The following RYR2 variants were observed in gnomAD, a reference collection of about 807,000 sequenced individuals.
RYR2 encodes ryanodine receptor 2, also known as cardiac muscle ryanodine receptor-calcium release channel.
A neutral mutation model predicts 601.1 loss-of-function variants in RYR2; 227 were observed. That is an observed-to-expected ratio of 0.38 (90% CI 0.34 to 0.42). The LOEUF (loss-of-function observed/expected upper bound fraction) is 0.42, where lower values mean the gene tolerates loss of function less well. RYR2 is among the 10% of genes least tolerant of loss of function. RYR2 has a pLI of 1.00. For missense variants in RYR2, 4,646 were observed against 6,156.5 expected (o/e 0.75, Z 8.21); for synonymous variants, 2,223 against 2,175.1 (o/e 1.02, Z -0.61).
chr1:237,417,585 T>C (rs373767549), intron 11 of RYR2, among the ~76,000 whole-genome samples: 3 of 152,330 alleles, frequency 2.0e-5, no homozygotes, highest in East Asian at 3.9e-4. Context: ...GAGTCATTAC[T>C]GGAAGTCACT....
chr1:237,515,708 CTCCTTCTTCTCTT>C (rs1666385004), intron 24 of RYR2, among the ~76,000 whole-genome samples: 1 of 590 alleles, frequency 1.7e-3, no homozygotes, highest in Non-Finnish European at 4.8e-3. Flanking sequence ...TCCCCTCCTT[CTCCTTCTTCTCTT>C]CCTCCTTCTT....
At chr1:237,785,832 C>T (rs996542540) in intron 90 of RYR2, 137 bp from the exon 91 acceptor site, 14 of 679,364 alleles carry the variant, frequency 2.1e-5, no homozygotes, top group South Asian at 3.3e-5. Flanking sequence ...ATGAAAAACA[C>T]GTGGCGCTTT....
At chr1:237,690,372 TACCTAATAAACCTAGAG>T (rs1686831864) in intron 63 of RYR2, among the ~76,000 whole-genome samples, 1 of 152,194 alleles carries the variant, frequency 6.6e-6, no homozygotes, top group South Asian at 2.1e-4. Flanking sequence ...TGGGCTAAAA[TACCTAATAAACCTAGAG>T]ATCAATTTTT....
At chr1:237,051,247 C>A (rs1661231130) in intron 1 of RYR2, among the ~76,000 whole-genome samples, 1 of 102,922 alleles carries the variant, frequency 9.7e-6, no homozygotes, top group African/African-American at 3.8e-5. Context: ...CCCTCCCCTT[C>A]CCCTCCCCTT....
intron 1 of RYR2, among the ~76,000 whole-genome samples, chr1:237,205,475 A>G (rs1681708301): frequency 6.6e-6 from 1 of 152,130 alleles, no homozygotes; most frequent in Non-Finnish European, 1.5e-5. Flanking sequence ...CTGCAGTGCC[A>G]TGGTGGCGTT....
At chr1:237,655,742 C>A in intron 52 of RYR2, 79 bp from the exon 53 acceptor site, 1 of 1,346,764 alleles carries the variant, frequency 7.4e-7, no homozygotes. Flanking sequence ...TCTTCTGCAA[C>A]CTTCTGTCAG....
At chr1:237,539,394 C>A (rs1389451590) in intron 25 of RYR2, among the ~76,000 whole-genome samples, 1 of 152,196 alleles carries the variant, frequency 6.6e-6, no homozygotes, top group East Asian at 1.9e-4. Context: ...AGTATCATAG[C>A]AGAATAACCT....
intron 5 of RYR2, among the ~76,000 whole-genome samples, chr1:237,368,510 T>C (rs1019867928): frequency 3.3e-5 from 5 of 152,156 alleles, no homozygotes; most frequent in African/African-American, 9.7e-5. Flanking sequence ...AATGTCTCTC[T>C]GTGCTTCTCA....
chr1:237,363,591 T>C (rs1699962086), intron 4 of RYR2, among the ~76,000 whole-genome samples: 1 of 152,242 alleles, frequency 6.6e-6, no homozygotes, highest in East Asian at 1.9e-4. Flanking sequence ...TTTGGAAATA[T>C]ATCATTGTTT....
chr1:237,405,890 T>C (rs1001090723), intron 10 of RYR2, among the ~76,000 whole-genome samples: 16 of 89,306 alleles, frequency 1.8e-4, no homozygotes, highest in Non-Finnish European at 4.0e-4. Context: ...TTCAGAAAAG[T>C]AGGTGAAAAA....
At position 237,801,038 on chromosome 1, in the gene RYR2, T is replaced by G. The variant is rs552742766; in HGVS notation, c.14091-818T>G. On this transcript the variant is annotated intron_variant, in intron 97 of 104. Transcript: ENST00000366574. ...ACAGAGAAGGTGAATTTTCTGGAAA[T>G]GAAGTAAAAACAAAACAATTTAAAA... Among the ~76,000 whole-genome samples, 156 of 131,336 alleles carry G rather than the reference T, an allele frequency of 1.2e-3. 1 individual carries two copies. Among genetic ancestry groups the G allele is most frequent in the Middle Eastern group, 4.3e-3 (1 of 232 alleles). 86.2% of individuals were successfully genotyped at this position (131,336 alleles called of 152,430 possible). A position where few individuals can be genotyped will look rare whatever the true frequency, so the allele number is the denominator to read the frequency against.
chr1:237,274,858 A>G (rs1690100538), intron 2 of RYR2, among the ~76,000 whole-genome samples: 2 of 152,256 alleles, frequency 1.3e-5, no homozygotes, highest in South Asian at 4.1e-4. Flanking sequence ...TGCCTCCAGT[A>G]TTCAGTATAG....
intron 99 of RYR2, among the ~76,000 whole-genome samples, chr1:237,807,689 G>T (rs113347820): frequency 0.011 from 1,612 of 152,128 alleles, 29 homozygotes; most frequent in African/African-American, 0.037. Context: ...GAGCTTTATA[G>T]TCCTAACAGG....
intron 16 of RYR2, among the ~76,000 whole-genome samples, chr1:237,462,567 A>C (rs1287857751): frequency 6.6e-6 from 1 of 152,146 alleles, no homozygotes; most frequent in Non-Finnish European, 1.5e-5. Flanking sequence ...TCCTATGAAT[A>C]CTCATTTTCT....
At chr1:237,775,505 G>A (rs1694590820) in intron 87 of RYR2, among the ~76,000 whole-genome samples, 2 of 152,100 alleles carry the variant, frequency 1.3e-5, no homozygotes, top group African/African-American at 2.4e-5. Flanking sequence ...CTTATCATTA[G>A]CTTCGTGCTG....
intron 10 of RYR2, among the ~76,000 whole-genome samples, chr1:237,403,213 A>C (rs979111775): frequency 8.5e-5 from 13 of 152,218 alleles, no homozygotes; most frequent in South Asian, 2.1e-4. Context: ...AAGACAAATC[A>C]GATCACAGGT....
At chr1:237,489,932 G>A (rs1193332734) in intron 17 of RYR2, among the ~76,000 whole-genome samples, 2 of 152,140 alleles carry the variant, frequency 1.3e-5, no homozygotes, top group East Asian at 1.9e-4. Flanking sequence ...TGGTACCTAT[G>A]CGTCATGAAA....
chr1:237,687,488 T>C lies in RYR2; in HGVS notation c.9051T>C (p.His3017=). ...GCAAACTTGGAGTTCTTGTCAGGCATAGGATTTCACTATTTGGTAAGGAGA... is the reference window on the plus strand; with the variant it reads ...GCAAACTTGGAGTTCTTGTCAGGCACAGGATTTCACTATTTGGTAAGGAGA... The part of the protein sequence containing the change: ...LFCKLGVLVR[H]RISLFGNDAT... Residue 3017 remains histidine, a synonymous_variant, in exon 63 of 105, where the codon CAT becomes CAC. Transcript: ENST00000366574. 1 of 1,606,948 alleles carries C rather than the reference T, an allele frequency of 6.2e-7. No individual in the cohort carries two copies. The highest frequency in any genetic ancestry group is 8.5e-7 in the Non-Finnish European group (1 of 1,175,632).
chr1:237,725,713 T>C (rs1354811878), intron 74 of RYR2, among the ~76,000 whole-genome samples: 1 of 152,096 alleles, frequency 6.6e-6, no homozygotes, highest in Non-Finnish European at 1.5e-5. Context: ...CACACTCAGG[T>C]ATTTCCTGAA....
Sources: allele counts gnomAD v4.1 joint callset (sites outside exome capture counted in the v4.1 genomes callset), GRCh38; gene constraint gnomAD v4.1.1; transcripts MANE v1.5; gene names NCBI Gene and HGNC (gene_info 2026-07-23, HGNC 2026-07-21).